Variants in TMEM67 observed in about 807,000 individuals in gnomAD.
TMEM67 encodes the protein meckelin.
TMEM67 carries 124 observed loss-of-function variants against 136.6 expected under a neutral mutation model. That is an observed-to-expected ratio of 0.91 (90% CI 0.78 to 1.05). The LOEUF (loss-of-function observed/expected upper bound fraction) is 1.05, where lower values mean the gene tolerates loss of function less well. Among genes scored for constraint, TMEM67 ranks in the 50% least tolerant of loss-of-function variants. The pLI is 0.00. For synonymous variants in TMEM67, 364 were observed against 390.5 expected, an observed-to-expected ratio of 0.93 and a Z score of 0.80; for missense variants, 1,107 against 1,178.4, an observed-to-expected ratio of 0.94 and a Z score of 0.89.
In TMEM67 at chr8:93,797,447, C is replaced by G; in HGVS notation, c.2077C>G (p.Leu693Val). The G allele has an allele frequency of 1.2e-6, 2 of 1,613,878 alleles. No individual in the cohort carries two copies. Among genetic ancestry groups the G allele is most frequent in the Non-Finnish European group, 1.7e-6 (2 of 1,179,862 alleles). The change falls in exon 20 of 28, where the codon CTT becomes GTT. Residue 693 changes from leucine (L) to valine (V), a missense_variant. Physicochemically the swap from Leu to Val is conservative, Grantham distance 32. Around this residue, in one of 3 missense-constraint regions of TMEM67, gnomAD observed 925 missense variants for 1,002.4 expected, o/e 0.92. Coordinates refer to ENST00000453321, the MANE Select transcript of TMEM67 (RefSeq NM_153704.6). ...VRKINSLFQV[L>V]TVLFFLEVVG... is the part of the protein sequence containing the mutation. Reference sequence around the variant, plus strand: ...AAAAATTAATTCACTCTTTCAAGTACTTACTGTCCTCTTCTTTTTGGAGGT... The same window carrying G: ...AAAAATTAATTCACTCTTTCAAGTAGTTACTGTCCTCTTCTTTTTGGAGGT...
downstream of TMEM67, chr8:93,819,331 G>A (rs1415485813): frequency 2.6e-6 from 1 of 380,656 alleles, no homozygotes; most frequent in African/African-American, 2.1e-5. Context: ...CCCAGATAGA[G>A]GTCACCGATA....
chr8:93,774,450 G>A (rs1207131557), intron 7 of TMEM67, among the ~76,000 whole-genome samples: 2 of 152,146 alleles, frequency 1.3e-5, no homozygotes, highest in East Asian at 3.8e-4. Flanking sequence ...CCATGTTGCT[G>A]TGCTGCACCC....
downstream of TMEM67, among the ~76,000 whole-genome samples, chr8:93,823,091 T>C (rs1809063496): frequency 6.6e-6 from 1 of 152,202 alleles, no homozygotes; most frequent in Non-Finnish European, 1.5e-5. Context: ...CTTATCCTAT[T>C]GCTTCTGTAA....
downstream of TMEM67, among the ~76,000 whole-genome samples, chr8:93,821,501 C>T (rs1233116491): frequency 6.6e-6 from 1 of 152,150 alleles, no homozygotes; most frequent in African/African-American, 2.4e-5. Context: ...AGGCTGGACT[C>T]AGAGACTCCT....
rs548693232 is a variant in TMEM67 at position 93,809,147 on chromosome 8, T to G, written c.2647T>G (p.Ser883Ala). ...AYHMMNKFLG[S>A]FIDHVHKEMD... Reference sequence around the variant, plus strand: ...TCATATGATGAATAAATTTCTTGGCTCCTTCATTGACCATGTATGTATGTC... The same window carrying G: ...TCATATGATGAATAAATTTCTTGGCGCCTTCATTGACCATGTATGTATGTC... The change falls in exon 25 of 28, where the codon TCC becomes GCC. Residue 883 changes from serine to alanine, a missense_variant. Transcript: ENST00000453321. 5.0e-6 allele frequency: 8 copies of G among 1,584,222 alleles called. No homozygotes were observed. In the African/African-American group the frequency reaches 1.1e-4, roughly 21 times the overall value.
chr8:93,788,166 T>C (rs1814203001), intron 14 of TMEM67, among the ~76,000 whole-genome samples: 1 of 152,210 alleles, frequency 6.6e-6, no homozygotes, highest in African/African-American at 2.4e-5. Context: ...GATTATGTTT[T>C]TCAGTAGAAG....
At chr8:93,829,361 G>GCTCTCTCTCT in the TMEM67 span, among the ~76,000 whole-genome samples, 1,363 of 148,474 alleles carry the variant, frequency 9.2e-3, 24 homozygotes, top group African/African-American at 0.03. Context: ...CTTTATGAGT[G>GCTCTCTCTCT]CTCTCTCTCT....
At position 93,772,622 on chromosome 8, in the gene TMEM67, T is replaced by G; in HGVS notation, c.685T>G (p.Tyr229Asp). 6.2e-7 allele frequency: 1 copy of G among 1,612,782 alleles called. No homozygotes were observed. Among genetic ancestry groups the G allele is most frequent in the Non-Finnish European group, 8.5e-7 (1 of 1,179,332 alleles). ...MSLTSEWFAK[Y>D]LQSSAAACWV... ...TTTAACTTCAGAATGGTTTGCAAAG[T>G]ATTTGCAATCATCAGCAGCTGCATG... Residue 229 changes from tyrosine to aspartate, a missense_variant, in exon 7 of 28, where the codon TAT becomes GAT. Physicochemically the swap from Tyr to Asp is radical, Grantham distance 160. This residue lies in a region of TMEM67 where 925 missense variants were observed against 1,002.4 expected (regional missense o/e 0.92). Coordinates refer to ENST00000453321, the MANE Select transcript of TMEM67 (RefSeq NM_153704.6).
chr8:93,824,704 C>CT, the TMEM67 span, among the ~76,000 whole-genome samples: 3 of 152,140 alleles, frequency 2.0e-5, no homozygotes, highest in East Asian at 1.9e-4. Context: ...CTATGAGTCT[C>CT]TTTTTTTGTT....
At chr8:93,824,928 C>T in the TMEM67 span, among the ~76,000 whole-genome samples, 1 of 152,110 alleles carries the variant, frequency 6.6e-6, no homozygotes, top group African/African-American at 2.4e-5. Flanking sequence ...GTTGGCCAGG[C>T]TGGTCTCGAA....
At chr8:93,799,900 AG>A in intron 21 of TMEM67, 142 bp downstream of exon 21, 11 of 571,596 alleles carry the variant, frequency 1.9e-5, no homozygotes, top group Non-Finnish European at 2.9e-5. Context: ...GCTAATGGTC[AG>A]TTCTTTTTTT....
chr8:93,815,523 C>G, intron 27 of TMEM67, 76 bp downstream of exon 27: 1 of 1,322,644 alleles, frequency 7.6e-7, no homozygotes, highest in South Asian at 1.2e-5. Flanking sequence ...ATTTTCATAG[C>G]AGAGAGTAAC....
intron 13 of TMEM67, 71 bp downstream of exon 13, chr8:93,786,417 A>G: frequency 6.5e-7 from 1 of 1,538,808 alleles, no homozygotes; most frequent in Non-Finnish European, 8.9e-7. Context: ...TCATTAGTAG[A>G]TGAAAACAAT....
At chr8:93,814,764 G>A (rs922654648) in intron 26 of TMEM67, among the ~76,000 whole-genome samples, 1 of 151,552 alleles carries the variant, frequency 6.6e-6, no homozygotes, top group African/African-American at 2.4e-5. Context: ...TGGAATTACA[G>A]GCATGAGCCA....
Position 93,781,673 on chromosome 8 carries a change from T to C in TMEM67, c.994T>C (p.Phe332Leu), listed in dbSNP as rs1813835400. The C allele has an allele frequency of 6.2e-7, 1 of 1,601,640 alleles. No homozygotes were observed. The change falls in exon 10 of 28, where the codon TTT becomes CTT. Residue 332 changes from phenylalanine (F) to leucine (L), a missense_variant. Phe to Leu is a conservative substitution (Grantham distance 22). Around this residue, in one of 3 missense-constraint regions of TMEM67, gnomAD observed 925 missense variants for 1,002.4 expected, o/e 0.92. Transcript: ENST00000453321. ...KGENQNTKLK[F>L]VAASYDIRGN... is the part of the protein sequence containing the mutation. ...CTTTAATCAGAATACAAAACTGAAG[T>C]TTGTTGCTGCTTCCTATGATATAAG...
At chr8:93,772,691 A>G (rs1177031563) in intron 7 of TMEM67, 40 bp downstream of exon 7, 4 of 1,472,598 alleles carry the variant, frequency 2.7e-6, no homozygotes, top group Non-Finnish European at 3.8e-6. Context: ...TTTTATTTTG[A>G]AGAATTATAC....
intron 11 of TMEM67, 107 bp downstream of exon 11, chr8:93,782,567 C>CT: frequency 7.7e-6 from 4 of 520,644 alleles, no homozygotes; most frequent in East Asian, 4.2e-5. Context: ...ATTTTTTATT[C>CT]TTGGTTTTTT....
chr8:93,774,370 T>A (rs1813447438), intron 7 of TMEM67, among the ~76,000 whole-genome samples: 1 of 152,228 alleles, frequency 6.6e-6, no homozygotes, highest in Admixed American at 6.5e-5. Flanking sequence ...TTATTTCTTT[T>A]TTGTATTATA....
At chr8:93,798,779 A>G (rs1814734802) in intron 20 of TMEM67, among the ~76,000 whole-genome samples, 1 of 152,154 alleles carries the variant, frequency 6.6e-6, no homozygotes, top group African/African-American at 2.4e-5. Context: ...AAGACTTCCA[A>G]AGTTCACTTG....
Sources: gnomAD v4.1 joint callset for allele counts (sites outside exome capture counted in the v4.1 genomes callset) on GRCh38, gnomAD v4.1.1 for gene constraint, gnomAD v4.1.1 regional missense constraint, MANE v1.5 for transcripts, NCBI Gene and HGNC (gene_info 2026-07-23, HGNC 2026-07-21) for gene names.